CSMD1: variants seen among roughly 807,000 people sequenced by gnomAD.
CSMD1 encodes CUB and Sushi multiple domains 1, also known as CUB and sushi domain-containing protein 1.
CSMD1 carries 213 observed loss-of-function variants against 417.5 expected under a neutral mutation model. The observed-to-expected ratio is 0.51, with a 90% CI of 0.46 to 0.57. The LOEUF is 0.57. CSMD1 is among the 20% of genes least tolerant of loss of function. The pLI is 0.00. For synonymous variants in CSMD1, 2,862 were observed against 1,736.8 expected, an observed-to-expected ratio of 1.65 and a Z score of -16.11; for missense variants, 6,923 against 4,529.7, an observed-to-expected ratio of 1.53 and a Z score of -15.17.
In CSMD1 at chr8:3,406,010, G is replaced by A. The variant is rs1026002312; in HGVS notation, c.2266+17C>T. Reference sequence around the variant, plus strand: ...GTGATTTCAAAGGAGAAGAGCGGGGGGTGGCAGGGACTGCACCTTCACAGC... The same window carrying A: ...GTGATTTCAAAGGAGAAGAGCGGGGAGTGGCAGGGACTGCACCTTCACAGC... On this transcript the variant is annotated intron_variant, in intron 15 of 69. Coordinates refer to ENST00000635120, the MANE Select transcript of CSMD1 (RefSeq NM_033225.6). 2.5e-6 allele frequency: 4 copies of A among 1,609,824 alleles called. No individual in the cohort carries two copies. Among genetic ancestry groups the A allele is most frequent in the East Asian group, 2.2e-5 (1 of 44,854 alleles).
chr8:4,148,205 A>C (rs530848140), intron 3 of CSMD1, among the ~76,000 whole-genome samples: 9 of 152,040 alleles, frequency 5.9e-5, no homozygotes, highest in African/African-American at 2.2e-4. Flanking sequence ...ACTGTAAGTT[A>C]TAAGTTGCTA....
chr8:3,870,175 G>C (rs1251224623), intron 5 of CSMD1, among the ~76,000 whole-genome samples: 1 of 152,076 alleles, frequency 6.6e-6, no homozygotes. Flanking sequence ...TGGTTAAAGA[G>C]GTTCTTCCAG....
chr8:4,049,809 T>G (rs1299301760), intron 3 of CSMD1, among the ~76,000 whole-genome samples: 1 of 151,822 alleles, frequency 6.6e-6, no homozygotes, highest in Non-Finnish European at 1.5e-5. Flanking sequence ...TAGCTTTGTA[T>G]GGACATTTCT....
intron 7 of CSMD1, among the ~76,000 whole-genome samples, chr8:3,626,561 A>C (rs1014231363): frequency 6.6e-6 from 1 of 151,594 alleles, no homozygotes; most frequent in Non-Finnish European, 1.5e-5. Context: ...TTAAATCTTC[A>C]AGTTTTATTT....
chr8:3,831,795 C>T (rs80349819), intron 5 of CSMD1, among the ~76,000 whole-genome samples: 65 of 152,040 alleles, frequency 4.3e-4, no homozygotes, highest in African/African-American at 1.5e-3. Context: ...TGCTCACACG[C>T]GGGACTGTGA....
At chr8:3,325,409 G>C (rs975063844) in intron 23 of CSMD1, among the ~76,000 whole-genome samples, 1 of 152,212 alleles carries the variant, frequency 6.6e-6, no homozygotes, top group Non-Finnish European at 1.5e-5. Flanking sequence ...TAAGTCGTAA[G>C]CCTTGAGTTG....
intron 10 of CSMD1, among the ~76,000 whole-genome samples, chr8:3,514,692 G>A (rs1273956733): frequency 6.6e-6 from 1 of 151,858 alleles, no homozygotes; most frequent in Non-Finnish European, 1.5e-5. Flanking sequence ...GGTATCTTTT[G>A]TTAATATCAT....
At position 3,303,373 on chromosome 8, in the gene CSMD1, A is replaced by C. The variant is rs573589631; in HGVS notation, c.3950+4322T>G. 6.6e-5 allele frequency among the ~76,000 whole-genome samples: 10 copies of C among 152,320 alleles called. No individual in the cohort carries two copies. The East Asian group carries it at 9.6e-4, about 15-fold the overall frequency. On this transcript the variant is annotated intron_variant, in intron 25 of 69. Transcript: ENST00000635120. Reference sequence around the variant, plus strand: ...CTCTCTAAAAGCTGATGCCACTAGAAAGAAAATCCAGGTCAGGACAGCCAG... The same window carrying C: ...CTCTCTAAAAGCTGATGCCACTAGACAGAAAATCCAGGTCAGGACAGCCAG...
At position 2,965,906 on chromosome 8, in the gene CSMD1, C is replaced by T. The variant is rs1284313361; in HGVS notation, c.9149G>A (p.Gly3050Glu). ...PGTLANGIQF[G>E]TDFTFNKTVS... ...AGTCTTGTTGAAGGTGAAGTCGGTC[C>T]CAAACTGGATGCCATTTGCTAGTGT... The change falls in exon 59 of 70, where the codon GGG (glycine) becomes GAG (glutamate). Residue 3050 changes from glycine (G) to glutamate (E), a missense_variant. Transcript: ENST00000635120. 1 of 1,610,056 alleles carries T rather than the reference C, an allele frequency of 6.2e-7. No individual in the cohort carries two copies. The highest frequency in any genetic ancestry group is 1.7e-5 in the Admixed American group (1 of 59,608).
Position 4,433,379 on chromosome 8 carries a change from A to C in CSMD1, c.303-13314T>G, listed in dbSNP as rs1385783280. Among the ~76,000 whole-genome samples the C allele has an allele frequency of 5.3e-5, 8 of 152,260 alleles. No homozygotes were observed. The East Asian group carries it at 5.8e-4, about 11-fold the overall frequency. ...TACAACTCATAATATCATGGACATG[A>C]CATCATTACATAAATTTCTACTAAA... On this transcript the variant is annotated intron_variant, in intron 2 of 69. Coordinates refer to ENST00000635120, the MANE Select transcript of CSMD1 (RefSeq NM_033225.6).
chr8:4,224,199 C>G (rs561259422), intron 3 of CSMD1, among the ~76,000 whole-genome samples: 1 of 147,902 alleles, frequency 6.8e-6, no homozygotes, highest in Non-Finnish European at 1.5e-5. Flanking sequence ...TTATGCAAAG[C>G]GTTTGTGATC....
At chr8:4,533,522 G>A (rs1366220202) in intron 2 of CSMD1, among the ~76,000 whole-genome samples, 1 of 152,092 alleles carries the variant, frequency 6.6e-6, no homozygotes, top group African/African-American at 2.4e-5. Context: ...ACATAGTACA[G>A]ACCTTTTGGG....
In CSMD1 at chr8:4,748,750, A is replaced by T. The variant is rs548561355; in HGVS notation, c.86-111192T>A. ...TACTCAAAGTAAAATGCATTTTTAC[A>T]GACTTAATTACTGGTTAATTATTGA... On this transcript the variant is annotated intron_variant, in intron 1 of 69. Coordinates refer to ENST00000635120, the MANE Select transcript of CSMD1 (RefSeq NM_033225.6). 2.6e-5 allele frequency among the ~76,000 whole-genome samples: 4 copies of T among 152,380 alleles called. No individual in the cohort carries two copies. The South Asian group carries it at 8.3e-4, about 32-fold the overall frequency.
chr8:4,148,562 G>C (rs1441316606), intron 3 of CSMD1, among the ~76,000 whole-genome samples: 2 of 151,984 alleles, frequency 1.3e-5, no homozygotes, highest in African/African-American at 4.8e-5. Flanking sequence ...TGGAGGCTGA[G>C]ACATTCAAGC....
intron 5 of CSMD1, among the ~76,000 whole-genome samples, chr8:3,778,961 G>T (rs1015524732): frequency 6.6e-6 from 1 of 152,146 alleles, no homozygotes; most frequent in Admixed American, 6.5e-5. Context: ...ATCAGCCTTG[G>T]CTTGTGTTCT....
At chr8:3,231,044 G>A (rs190007955) in intron 26 of CSMD1, among the ~76,000 whole-genome samples, 9 of 152,162 alleles carry the variant, frequency 5.9e-5, no homozygotes, top group Admixed American at 1.3e-4. Context: ...TGCAGCCATC[G>A]ACTCTGCCTG....
At chr8:4,371,569 T>C (rs1802398843) in intron 3 of CSMD1, among the ~76,000 whole-genome samples, 1 of 152,206 alleles carries the variant, frequency 6.6e-6, no homozygotes, top group South Asian at 2.1e-4. Context: ...GTATTATTTT[T>C]TCATTCATGG....
chr8:3,284,653 T>G (rs1803010696), intron 25 of CSMD1: 1 of 317,774 alleles, frequency 3.1e-6, no homozygotes, highest in South Asian at 3.6e-5. Flanking sequence ...TCTGTATAAT[T>G]TAAGCTTTCT....
chr8:4,822,262 C>G (rs1046142764), intron 1 of CSMD1, among the ~76,000 whole-genome samples: 1 of 152,040 alleles, frequency 6.6e-6, no homozygotes. Flanking sequence ...CTAGAGGATC[C>G]GATTATGGGT....
Sources: gnomAD v4.1 joint callset for allele counts (sites outside exome capture counted in the v4.1 genomes callset) on GRCh38, gnomAD v4.1.1 for gene constraint, MANE v1.5 for transcripts, NCBI Gene and HGNC (gene_info 2026-07-23, HGNC 2026-07-21) for gene names.